CAMTA1: variants seen among roughly 807,000 people sequenced by gnomAD.
The protein encoded by CAMTA1 is calmodulin binding transcription activator 1.
A neutral mutation model predicts 170.9 loss-of-function variants in CAMTA1; 27 were observed. The ratio of observed to expected loss-of-function variants is 0.16; its 90% CI spans 0.12 to 0.22. The LOEUF (loss-of-function observed/expected upper bound fraction) is 0.22. CAMTA1 is among the 10% of genes least tolerant of loss of function. CAMTA1 has a pLI of 1.00. For synonymous variants in CAMTA1, 833 were observed against 891.5 expected, an observed-to-expected ratio of 0.93 and a Z score of 1.17; for missense variants, 1,619 against 2,217.2, an observed-to-expected ratio of 0.73 and a Z score of 5.42.
intron 11 of CAMTA1, among the ~76,000 whole-genome samples, chr1:7,699,028 T>G (rs953237878): frequency 6.6e-6 from 1 of 152,258 alleles, no homozygotes; most frequent in African/African-American, 2.4e-5. Flanking sequence ...CGGTCAGTCT[T>G]CTTTTCTCAA....
intron 4 of CAMTA1, among the ~76,000 whole-genome samples, chr1:7,099,278 T>C (rs953573657): frequency 6.6e-6 from 1 of 152,186 alleles, no homozygotes; most frequent in Non-Finnish European, 1.5e-5. Flanking sequence ...CTCGAACTCA[T>C]GGCCTCAAGT....
At chr1:7,672,815 C>T (rs917963483) in intron 10 of CAMTA1, among the ~76,000 whole-genome samples, 2 of 152,068 alleles carry the variant, frequency 1.3e-5, no homozygotes, top group Admixed American at 6.5e-5. Context: ...CACCATCTTC[C>T]CCAAAAAGTT....
intron 4 of CAMTA1, among the ~76,000 whole-genome samples, chr1:7,182,087 G>A (rs1367351258): frequency 2.0e-5 from 3 of 152,008 alleles, no homozygotes; most frequent in Non-Finnish European, 2.9e-5. Flanking sequence ...TGACAAAGGT[G>A]GTATCTCAAA....
intron 11 of CAMTA1, among the ~76,000 whole-genome samples, chr1:7,722,176 A>G (rs1310652274): frequency 6.6e-6 from 1 of 152,132 alleles, no homozygotes; most frequent in Non-Finnish European, 1.5e-5. Context: ...ACAGCAGCAA[A>G]TCCCAGCCCT....
intron 6 of CAMTA1, among the ~76,000 whole-genome samples, chr1:7,599,724 T>G (rs1192125501): frequency 6.6e-6 from 1 of 152,234 alleles, no homozygotes; most frequent in South Asian, 2.1e-4. Context: ...AGTTCATTCA[T>G]GATTTAGCTC....
intron 5 of CAMTA1, among the ~76,000 whole-genome samples, chr1:7,272,702 A>AAAAAAAAAAAAAAAAAAAG: frequency 6.8e-6 from 1 of 146,502 alleles, no homozygotes. Flanking sequence ...CAAAAAAAAA[A>AAAAAAAAAAAAAAAAAAAG]AAAAAAAAAA....
chr1:7,498,603 G>A (rs571790690), intron 6 of CAMTA1, among the ~76,000 whole-genome samples: 1 of 152,100 alleles, frequency 6.6e-6, no homozygotes, highest in South Asian at 2.1e-4. Context: ...ACGTGTGAGT[G>A]TGAACATCTG....
chr1:7,216,530 C>T lies in CAMTA1; in HGVS notation c.303-32961C>T, dbSNP rs557143981. ...CCTTCCTTCCTTCCTTTCTTTCTTT[C>T]GTTCTTTCACAGAACTGTCGCCCAG... On this transcript the variant is annotated intron_variant, in intron 4 of 22. Coordinates refer to ENST00000303635, the MANE Select transcript of CAMTA1 (RefSeq NM_015215.4). This position sits in a 1 kb window ranked among gnomAD's most constrained non-coding sequence, Gnocchi z 4.0. Among the ~76,000 whole-genome samples the T allele has an allele frequency of 5.9e-5, 9 of 152,020 alleles. No individual in the cohort carries two copies. The highest frequency in any genetic ancestry group is 2.6e-4 in the Admixed American group (4 of 15,240).
intron 3 of CAMTA1, among the ~76,000 whole-genome samples, chr1:7,035,689 T>C (rs1703487149): frequency 6.6e-6 from 1 of 152,204 alleles, no homozygotes; most frequent in African/African-American, 2.4e-5. Flanking sequence ...AAAGGATCTC[T>C]TAAGGATGCC....
At chr1:7,042,830 G>T (rs922898978) in intron 3 of CAMTA1, among the ~76,000 whole-genome samples, 3 of 152,216 alleles carry the variant, frequency 2.0e-5, no homozygotes, top group Non-Finnish European at 4.4e-5. Flanking sequence ...CTAGGCGTTT[G>T]TTACCTAGAG....
chr1:7,362,120 G>A (rs963076135), intron 5 of CAMTA1, among the ~76,000 whole-genome samples: 1 of 152,254 alleles, frequency 6.6e-6, no homozygotes, highest in Non-Finnish European at 1.5e-5. Flanking sequence ...ACAAGGGCTT[G>A]ACACATGTGC....
intron 3 of CAMTA1, among the ~76,000 whole-genome samples, chr1:6,937,662 C>CCATCAT (rs1424718463): frequency 6.6e-6 from 1 of 151,492 alleles, no homozygotes; most frequent in African/African-American, 2.4e-5. Context: ...ATCACCATCA[C>CCATCAT]CATCATCATC....
At chr1:7,030,812 G>A (rs1209566021) in intron 3 of CAMTA1, among the ~76,000 whole-genome samples, 1 of 151,408 alleles carries the variant, frequency 6.6e-6, no homozygotes, top group Non-Finnish European at 1.5e-5. Flanking sequence ...GGTTGATGGT[G>A]TTGTTCAAGT....
chr1:7,509,983 G>A (rs1318548610), intron 6 of CAMTA1, among the ~76,000 whole-genome samples: 1 of 150,494 alleles, frequency 6.6e-6, no homozygotes, highest in Admixed American at 6.6e-5. Context: ...TCACTCCCGA[G>A]TCATCCTGCA....
intron 6 of CAMTA1, among the ~76,000 whole-genome samples, chr1:7,604,226 G>T (rs1030423454): frequency 5.3e-5 from 8 of 152,114 alleles, no homozygotes; most frequent in African/African-American, 1.9e-4. Flanking sequence ...TTGAATATTG[G>T]CCTGCCTTGC....
At chr1:6,809,152 G>A (rs1570271137) in intron 1 of CAMTA1, among the ~76,000 whole-genome samples, 3 of 151,388 alleles carry the variant, frequency 2.0e-5, no homozygotes, top group Admixed American at 6.6e-5. Context: ...TCAGCCTCCC[G>A]AGTAGCTGGG....
At chr1:7,578,356 C>T (rs968228993) in intron 6 of CAMTA1, among the ~76,000 whole-genome samples, 3 of 152,106 alleles carry the variant, frequency 2.0e-5, no homozygotes, top group Admixed American at 1.3e-4. Context: ...TCCAGGGAGC[C>T]GGGAGCACCA....
At chr1:7,675,470 G>A (rs2096108741) in intron 10 of CAMTA1, among the ~76,000 whole-genome samples, 1 of 152,158 alleles carries the variant, frequency 6.6e-6, no homozygotes, top group African/African-American at 2.4e-5. Context: ...AGGTTGTAGG[G>A]AGGAAGAACA....
intron 3 of CAMTA1, among the ~76,000 whole-genome samples, chr1:6,996,746 A>ACT (rs1697324185): frequency 1.3e-5 from 2 of 152,088 alleles, no homozygotes; most frequent in African/African-American, 4.8e-5. Context: ...AAACTTACCC[A>ACT]GTCTTATTCC....
Sources: gnomAD v4.1 joint callset for allele counts (sites outside exome capture counted in the v4.1 genomes callset) on GRCh38, gnomAD v4.1.1 for gene constraint, Gnocchi (gnomAD v3.1) non-coding constraint, MANE v1.5 for transcripts, NCBI Gene and HGNC (gene_info 2026-07-23, HGNC 2026-07-21) for gene names.